Variants in CAP2 observed in about 807,000 individuals in gnomAD.
CAP2 encodes the protein cyclase associated actin cytoskeleton regulatory protein 2.
Under a neutral mutation model 57.7 loss-of-function variants are expected in CAP2, and 24 were observed. The ratio of observed to expected loss-of-function variants is 0.42; its 90% CI spans 0.30 to 0.58. CAP2 has a LOEUF of 0.58. Among genes scored for constraint, CAP2 ranks in the 20% least tolerant of loss-of-function variants. The pLI is 0.22. For missense variants in CAP2, 501 were observed against 590.3 expected (o/e 0.85, Z 1.57); for synonymous variants, 194 against 207.2 (o/e 0.94, Z 0.55).
intron 4 of CAP2, among the ~76,000 whole-genome samples, chr6:17,494,215 C>T (rs1305296212): frequency 2.0e-5 from 3 of 152,188 alleles, no homozygotes; most frequent in Non-Finnish European, 4.4e-5. Flanking sequence ...CATGTTATTC[C>T]TCTGCTCAAA....
At chr6:17,541,845 C>G (rs988000298) in intron 9 of CAP2, among the ~76,000 whole-genome samples, 1 of 152,188 alleles carries the variant, frequency 6.6e-6, no homozygotes, top group Non-Finnish European at 1.5e-5. Context: ...CAGGGTGTTT[C>G]TGAATGCTTC....
intron 3 of CAP2, among the ~76,000 whole-genome samples, chr6:17,452,013 A>G (rs1340580068): frequency 1.3e-5 from 2 of 152,210 alleles, no homozygotes; most frequent in Non-Finnish European, 1.5e-5. Flanking sequence ...TTTATTTCAT[A>G]AGGACATTAT....
At chr6:17,409,329 G>A (rs934053427) in intron 1 of CAP2, among the ~76,000 whole-genome samples, 2 of 151,548 alleles carry the variant, frequency 1.3e-5, no homozygotes, top group Admixed American at 6.6e-5. Context: ...CCGAGATCAC[G>A]CCACTGCACT....
chr6:17,448,892 C>G (rs9396776), intron 3 of CAP2, among the ~76,000 whole-genome samples: 90,395 of 151,754 alleles, frequency 0.6, 27,768 homozygotes, highest in East Asian at 0.87. Flanking sequence ...CTTCCGAGGA[C>G]CTGGGATTAC....
At chr6:17,541,732 C>T (rs1389957635) in intron 9 of CAP2, among the ~76,000 whole-genome samples, 2 of 152,036 alleles carry the variant, frequency 1.3e-5, no homozygotes. Flanking sequence ...ATTTACCCTA[C>T]TCTGCTGTCG....
At chr6:17,448,962 A>G (rs930568187) in intron 3 of CAP2, among the ~76,000 whole-genome samples, 17 of 152,116 alleles carry the variant, frequency 1.1e-4, no homozygotes, top group African/African-American at 3.1e-4. Context: ...GGGTTTCACT[A>G]TGTTGGCCAG....
chr6:17,453,076 T>G (rs1760456999), intron 3 of CAP2, among the ~76,000 whole-genome samples: 1 of 152,236 alleles, frequency 6.6e-6, no homozygotes, highest in African/African-American at 2.4e-5. Context: ...TAATAATTTA[T>G]ACTCCGTTCA....
intron 7 of CAP2, among the ~76,000 whole-genome samples, chr6:17,535,665 T>G (rs996628687): frequency 6.6e-6 from 1 of 152,164 alleles, no homozygotes; most frequent in African/African-American, 2.4e-5. Context: ...AATAATGTCT[T>G]TACCATTGAC....
chr6:17,415,675 A>G (rs987441882), intron 1 of CAP2, among the ~76,000 whole-genome samples: 3 of 152,222 alleles, frequency 2.0e-5, no homozygotes, highest in Non-Finnish European at 2.9e-5. Context: ...AGCCCCTGAA[A>G]AGCTTGCAGC....
At chr6:17,466,781 C>T (rs1014795128) in intron 4 of CAP2, among the ~76,000 whole-genome samples, 3 of 152,200 alleles carry the variant, frequency 2.0e-5, no homozygotes, top group Non-Finnish European at 2.9e-5. Flanking sequence ...AATTCATATT[C>T]TCTTCTCCTA....
chr6:17,479,704 C>A (rs1189116658), intron 4 of CAP2, among the ~76,000 whole-genome samples: 1 of 149,766 alleles, frequency 6.7e-6, no homozygotes, highest in South Asian at 2.1e-4. Flanking sequence ...CTCCGCCTGC[C>A]GGGTTCACGC....
At chr6:17,522,102 C>G (rs1050823147) in intron 7 of CAP2, among the ~76,000 whole-genome samples, 1 of 152,014 alleles carries the variant, frequency 6.6e-6, no homozygotes, top group African/African-American at 2.4e-5. Context: ...GAGCAAGACT[C>G]TGTCTCAAAA....
intron 11 of CAP2, among the ~76,000 whole-genome samples, chr6:17,544,497 G>A (rs918574089): frequency 2.0e-5 from 3 of 151,604 alleles, no homozygotes; most frequent in Non-Finnish European, 4.4e-5. Context: ...TTTATGATAT[G>A]CCAAAATCTA....
At chr6:17,424,367 T>G (rs1303989798) in intron 2 of CAP2, among the ~76,000 whole-genome samples, 2 of 152,046 alleles carry the variant, frequency 1.3e-5, no homozygotes, top group Non-Finnish European at 2.9e-5. Flanking sequence ...GCCACTGCAC[T>G]CCAGCCTGGG....
At chr6:17,509,234 C>G (rs1762077616) in intron 6 of CAP2, among the ~76,000 whole-genome samples, 1 of 151,848 alleles carries the variant, frequency 6.6e-6, no homozygotes, top group African/African-American at 2.4e-5. Context: ...ATTTTCATCA[C>G]TTTTTTTGTA....
intron 7 of CAP2, chr6:17,531,229 G>A (rs1762631587): frequency 1.3e-6 from 1 of 780,572 alleles, no homozygotes; most frequent in South Asian, 1.3e-5. Context: ...GCAGTGTATG[G>A]CTCTACAATC....
At chr6:17,443,520 C>T (rs986027653) in intron 3 of CAP2, among the ~76,000 whole-genome samples, 8 of 152,004 alleles carry the variant, frequency 5.3e-5, no homozygotes, top group East Asian at 1.9e-4. Context: ...ATACTGATTT[C>T]GTTTAGCTTA....
At chr6:17,438,376 C>CA (rs1446651730) in intron 3 of CAP2, among the ~76,000 whole-genome samples, 17 of 136,338 alleles carry the variant, frequency 1.2e-4, no homozygotes, top group African/African-American at 4.6e-4. Flanking sequence ...GAAAAACAAA[C>CA]AAAAAAAGAA....
chr6:17,541,187 G>A (rs776060474), intron 9 of CAP2, 39 bp downstream of exon 9: 14 of 1,510,202 alleles, frequency 9.3e-6, no homozygotes, highest in African/African-American at 4.2e-5. Flanking sequence ...CCTGACATGC[G>A]CCAATGAAAG....
Sources: allele counts gnomAD v4.1 joint callset (sites outside exome capture counted in the v4.1 genomes callset), GRCh38; gene constraint gnomAD v4.1.1; transcripts MANE v1.5; gene names NCBI Gene and HGNC (gene_info 2026-07-23, HGNC 2026-07-21).